Variants in MET observed in about 807,000 individuals in gnomAD.
MET encodes hepatocyte growth factor receptor.
Under a neutral mutation model 133.1 loss-of-function variants are expected in MET, and 48 were observed. That is an observed-to-expected ratio of 0.36 (90% CI 0.29 to 0.46). The LOEUF is 0.46. MET is among the 20% of genes least tolerant of loss of function. The probability of loss-of-function intolerance (pLI) is 1.00; values close to 1 mark genes in which losing one functional copy is unlikely to be tolerated. For missense variants in MET, 1,442 were observed against 1,695.9 expected (o/e 0.85, Z 2.63); for synonymous variants, 628 against 616.5 (o/e 1.02, Z -0.28).
intron 17 of MET, among the ~76,000 whole-genome samples, chr7:116,781,474 G>C (rs1488070621): frequency 1.3e-5 from 2 of 152,206 alleles, no homozygotes; most frequent in Non-Finnish European, 2.9e-5. Context: ...TGTAGAAGTA[G>C]CTGTAATTTA....
intron 2 of MET, among the ~76,000 whole-genome samples, chr7:116,703,248 G>A (rs572172614): frequency 2.6e-5 from 4 of 152,170 alleles, no homozygotes; most frequent in Non-Finnish European, 4.4e-5. Flanking sequence ...TCCTCACAAT[G>A]TGTCCATTTT....
chr7:116,689,375 TG>T, intron 1 of MET, among the ~76,000 whole-genome samples: 1 of 152,248 alleles, frequency 6.6e-6, no homozygotes, highest in East Asian at 1.9e-4. Context: ...GTGAGTTTTG[TG>T]GGTAAAAAAG....
intron 5 of MET, among the ~76,000 whole-genome samples, chr7:116,754,913 AAGAAAG>A (rs1794078350): frequency 1.5e-5 from 2 of 136,188 alleles, no homozygotes; most frequent in Non-Finnish European, 3.3e-5. Context: ...GAAAGAAAGA[AAGAAAG>A]AAAGAAAGAA....
chr7:116,795,529 G>A, intron 19 of MET, 126 bp from the exon 20 acceptor site: 1 of 1,258,474 alleles, frequency 7.9e-7, no homozygotes, highest in South Asian at 1.2e-5. Context: ...TAAGAAAATT[G>A]TTGCCCAAAA....
intron 14 of MET, 99 bp from the exon 15 acceptor site, chr7:116,774,782 T>C (rs1286108139): frequency 1.1e-6 from 1 of 898,172 alleles, no homozygotes; most frequent in African/African-American, 1.7e-5. Flanking sequence ...TTATTATCAT[T>C]TTTATCAAAC....
At chr7:116,731,584 C>G in intron 2 of MET, 84 bp from the exon 3 acceptor site, 19 of 1,378,442 alleles carry the variant, frequency 1.4e-5, no homozygotes, top group Non-Finnish European at 2.0e-5. Context: ...ATCCTCCAGG[C>G]TCTGAAAATA....
intron 2 of MET, among the ~76,000 whole-genome samples, chr7:116,707,011 G>A (rs1791823479): frequency 2.0e-5 from 3 of 150,920 alleles, no homozygotes; most frequent in South Asian, 2.1e-4. Flanking sequence ...TCATTTGCAT[G>A]TGAATTACTT....
chr7:116,793,537 G>T (rs2117099753), intron 19 of MET, among the ~76,000 whole-genome samples: 1 of 152,124 alleles, frequency 6.6e-6, no homozygotes, highest in South Asian at 2.1e-4. Context: ...AATCTTATGG[G>T]TCCCTAATCC....
At chr7:116,770,678 TG>T (rs1584954269) in intron 12 of MET, among the ~76,000 whole-genome samples, 1 of 152,184 alleles carries the variant, frequency 6.6e-6, no homozygotes, top group East Asian at 1.9e-4. Flanking sequence ...ATACAATATT[TG>T]TCTTTTTATG....
intron 2 of MET, among the ~76,000 whole-genome samples, chr7:116,729,546 TATC>T (rs1225060760): frequency 6.6e-6 from 1 of 152,232 alleles, no homozygotes; most frequent in Non-Finnish European, 1.5e-5. Flanking sequence ...TTGTGATTAT[TATC>T]ATATGGGATG....
intron 2 of MET, among the ~76,000 whole-genome samples, chr7:116,710,159 T>G (rs535979728): frequency 6.6e-6 from 1 of 152,296 alleles, no homozygotes; most frequent in East Asian, 1.9e-4. Flanking sequence ...TACTCTCACT[T>G]TCAGAACTGT....
At chr7:116,676,345 A>G (rs1407986000) in intron 1 of MET, among the ~76,000 whole-genome samples, 1 of 152,226 alleles carries the variant, frequency 6.6e-6, no homozygotes, top group East Asian at 1.9e-4. Flanking sequence ...GAGAATCACA[A>G]GTTATCGTGA....
intron 1 of MET, among the ~76,000 whole-genome samples, chr7:116,686,756 T>C (rs2116509930): frequency 6.6e-6 from 1 of 152,312 alleles, no homozygotes; most frequent in Admixed American, 6.5e-5. Flanking sequence ...TCTTATACCT[T>C]TTTCCACTGT....
intron 1 of MET, among the ~76,000 whole-genome samples, chr7:116,691,010 G>A (rs1796763874): frequency 6.6e-6 from 1 of 152,102 alleles, no homozygotes; most frequent in Admixed American, 6.6e-5. Flanking sequence ...TATAAATGTG[G>A]ACAGGGCTAA....
At chr7:116,739,457 C>T (rs1793359810) in intron 3 of MET, among the ~76,000 whole-genome samples, 1 of 152,186 alleles carries the variant, frequency 6.6e-6, no homozygotes, top group Admixed American at 6.5e-5. Context: ...CTGAAAAGAT[C>T]TATAAATGTG....
At chr7:116,769,943 T>G (rs568796085) in intron 12 of MET, 152 bp downstream of exon 12, 1 of 1,149,892 alleles carries the variant, frequency 8.7e-7, no homozygotes, top group Admixed American at 2.0e-5. Context: ...TTAGAAATAG[T>G]GAGCTTTTTG....
intron 14 of MET, 42 bp downstream of exon 14, chr7:116,772,031 A>C (rs1394580514): frequency 6.2e-7 from 1 of 1,603,228 alleles, no homozygotes; most frequent in Non-Finnish European, 8.5e-7. Flanking sequence ...CTATACATAT[A>C]CCTCAGTGGG....
intron 5 of MET, among the ~76,000 whole-genome samples, chr7:116,752,130 A>G (rs1212367251): frequency 6.6e-6 from 1 of 152,178 alleles, no homozygotes; most frequent in Non-Finnish European, 1.5e-5. Flanking sequence ...ATTGATCAGA[A>G]TACTCAGAAA....
intron 3 of MET, among the ~76,000 whole-genome samples, chr7:116,735,796 T>C (rs1006964028): frequency 1.2e-4 from 17 of 145,918 alleles, no homozygotes; most frequent in African/African-American, 3.3e-4. Flanking sequence ...TTTTTTTTTT[T>C]CACAGTGTCT....
Sources: allele counts gnomAD v4.1 joint callset (sites outside exome capture counted in the v4.1 genomes callset), GRCh38; gene constraint gnomAD v4.1.1; transcripts MANE v1.5; gene names NCBI Gene and HGNC (gene_info 2026-07-23, HGNC 2026-07-21).